ZFP37: variants seen among roughly 807,000 people sequenced by gnomAD.
ZFP37 encodes the protein ZFP37 zinc finger protein.
ZFP37 carries 38 observed loss-of-function variants against 52.1 expected under a neutral mutation model. The ratio of observed to expected loss-of-function variants is 0.73; its 90% CI spans 0.56 to 0.96. The LOEUF (loss-of-function observed/expected upper bound fraction) is 0.96. Ranked by LOEUF, ZFP37 falls within the 40% of genes least tolerant of loss-of-function variation. The pLI is 0.00. For missense variants in ZFP37, 695 were observed against 741.4 expected (o/e 0.94, Z 0.73); for synonymous variants, 253 against 259.5 (o/e 0.98, Z 0.24).
intron 1 of ZFP37, among the ~76,000 whole-genome samples, chr9:113,053,941 A>G (rs1002881276): frequency 5.9e-5 from 9 of 152,184 alleles, no homozygotes; most frequent in African/African-American, 1.7e-4. Flanking sequence ...AGTTGTCTTA[A>G]TATCATTCAT....
intron 3 of ZFP37, among the ~76,000 whole-genome samples, chr9:113,047,813 G>A (rs1828985411): frequency 6.6e-6 from 1 of 152,190 alleles, no homozygotes; most frequent in Admixed American, 6.5e-5. Context: ...CTAATTTAGA[G>A]AGAAAGACAA....
At chr9:113,054,110 C>A (rs1454397864) in intron 1 of ZFP37, among the ~76,000 whole-genome samples, 2 of 152,184 alleles carry the variant, frequency 1.3e-5, no homozygotes, top group Non-Finnish European at 2.9e-5. Flanking sequence ...ATCCCCTTAA[C>A]TCCAATAAAA....
intron 3 of ZFP37, 85 bp downstream of exon 3, chr9:113,049,277 T>G (rs1829013849): frequency 7.0e-7 from 1 of 1,432,920 alleles, no homozygotes; most frequent in Non-Finnish European, 9.5e-7. Context: ...ATTGCTATTT[T>G]CTAGTTAAGA....
chr9:113,050,965 C>T (rs1202641479), intron 1 of ZFP37, among the ~76,000 whole-genome samples: 2 of 151,444 alleles, frequency 1.3e-5, no homozygotes, highest in Middle Eastern at 3.2e-3. Flanking sequence ...GCAGAATGTA[C>T]ACTACCAATG....
In ZFP37 at chr9:113,047,766, C is replaced by A. The variant is rs533781460; in HGVS notation, c.349+1596G>T. On this transcript the variant is annotated intron_variant, in intron 3 of 3. Coordinates refer to ENST00000374227, the MANE Select transcript of ZFP37 (RefSeq NM_003408.3). ...ATGGGAGACAGTCCTATAATCAGAGCACACCCTGATAAAAACAGGGAAGAT... is the reference window on the plus strand; with the variant it reads ...ATGGGAGACAGTCCTATAATCAGAGAACACCCTGATAAAAACAGGGAAGAT... Among the ~76,000 whole-genome samples, 8 of 152,258 alleles carry A rather than the reference C, an allele frequency of 5.3e-5. No individual in the cohort carries two copies. The South Asian group carries it at 1.7e-3, about 32-fold the overall frequency.
At chr9:113,049,607 A>G (rs2118707345) in intron 2 of ZFP37, 111 bp from the exon 3 acceptor site, 3 of 1,466,932 alleles carry the variant, frequency 2.0e-6, no homozygotes, top group Non-Finnish European at 2.7e-6. Context: ...GAGTTTCACA[A>G]TATGAATGCC....
chr9:113,046,230 C>CTA (rs200966204), intron 3 of ZFP37, among the ~76,000 whole-genome samples: 2,901 of 125,602 alleles, frequency 0.023, 75 homozygotes, highest in African/African-American at 0.067. Context: ...AGACATATAT[C>CTA]TATATATATA....
rs760986355 is a variant in ZFP37 at position 113,056,552 on chromosome 9, C to A, written c.132+5G>T. 5 of 1,613,316 alleles carry A rather than the reference C, an allele frequency of 3.1e-6. No individual in the cohort carries two copies. The South Asian group carries it at 5.5e-5, about 18-fold the overall frequency. On this transcript the variant is annotated splice_donor_5th_base_variant and intron_variant, in intron 1 of 3. Transcript: ENST00000374227. ...CAAAACACCCTGTCTCATCACAGCT[C>A]TCACCGCGGCGCTGGCCTCGGGCTC...
intron 1 of ZFP37, among the ~76,000 whole-genome samples, chr9:113,050,407 T>A (rs146837274): frequency 0.011 from 1,685 of 150,452 alleles, 13 homozygotes; most frequent in Non-Finnish European, 0.017. Flanking sequence ...ATGTCCCTAT[T>A]GTGAATTTAT....
intron 3 of ZFP37, among the ~76,000 whole-genome samples, chr9:113,046,141 T>A (rs966999844): frequency 6.6e-6 from 1 of 150,380 alleles, no homozygotes; most frequent in Non-Finnish European, 1.5e-5. Context: ...TATATATCTG[T>A]CTATATATAT....
chr9:113,038,790 TAAAAC>T lies in ZFP37; in HGVS notation c.*3930_*3934del, dbSNP rs1399527390. 2.7e-5 allele frequency: 4 copies of T among 149,550 alleles called. No homozygotes were observed. Among genetic ancestry groups the T allele is most frequent in the Non-Finnish European group, 5.9e-5 (4 of 67,702 alleles). 9.3% of individuals were successfully genotyped at this position (149,550 alleles called of 1,614,324 possible). A position where few individuals can be genotyped will look rare whatever the true frequency, so the allele number is the denominator to read the frequency against. The stretch of plus-strand genomic sequence containing the variant: ...ACAGAGACTTTGTCTCAAAACAAAA[TAAAAC>T]AAAAAAAGAAAGATTCAATTTCCTC... On this transcript the variant is annotated 3_prime_UTR_variant, in exon 4 of 4. Coordinates refer to ENST00000374227, the MANE Select transcript of ZFP37 (RefSeq NM_003408.3).
intron 3 of ZFP37, 138 bp downstream of exon 3, chr9:113,049,224 G>A (rs1829012842): frequency 2.1e-6 from 2 of 951,012 alleles, no homozygotes; most frequent in Non-Finnish European, 3.1e-6. Context: ...CAGAATCTTT[G>A]TAGTTTGAAA....
rs1179468348 is a variant in ZFP37 at position 113,038,397 on chromosome 9, T to A, written c.*4328A>T. ...GCATATAGTTTTGTAAACTGTTTTTTATTTAGTATTTTAGATGCTACAGGT... is the reference window on the plus strand; with the variant it reads ...GCATATAGTTTTGTAAACTGTTTTTAATTTAGTATTTTAGATGCTACAGGT... On this transcript the variant is annotated 3_prime_UTR_variant, in exon 4 of 4. Transcript: ENST00000374227. 3.3e-5 allele frequency: 5 copies of A among 152,110 alleles called. No homozygotes were observed. The highest frequency in any genetic ancestry group is 7.4e-5 in the Non-Finnish European group (5 of 68,020). The allele number at this position is 152,110 out of a possible 1,614,324, so 9.4% of individuals were successfully genotyped here.
At position 113,040,843 on chromosome 9, in the gene ZFP37, A is replaced by G. The variant is rs1026763756; in HGVS notation, c.*1882T>C. ...AATATTTTATATTATGTAAATTAAT[A>G]TTGTATTAAAATAAAGGTATGATGT... On this transcript the variant is annotated 3_prime_UTR_variant, in exon 4 of 4. Transcript: ENST00000374227. 1 of 152,214 alleles carries G rather than the reference A, an allele frequency of 6.6e-6. No homozygotes were observed. The highest frequency in any genetic ancestry group is 2.4e-5 in the African/African-American group (1 of 41,460). 9.4% of individuals were successfully genotyped at this position (152,214 alleles called of 1,614,324 possible). A position where few individuals can be genotyped will look rare whatever the true frequency, so the allele number is the denominator to read the frequency against.
intron 1 of ZFP37, 33 bp downstream of exon 1, chr9:113,056,524 C>T (rs749705058): frequency 1.2e-6 from 2 of 1,608,276 alleles, no homozygotes; most frequent in East Asian, 2.2e-5. Flanking sequence ...CATCTCTGAC[C>T]GCCAAAACAC....
rs750970108 is a variant in ZFP37 at position 113,043,190 on chromosome 9, G to A, written c.1428C>T (p.Leu476=). The stretch of plus-strand genomic sequence containing the variant: ...TAGTATGAGTTCTTTGATGTATAAT[G>A]AGGTGTGACTTCTTGCTGAAAGCTT... The part of the protein sequence containing the change: ...CGKAFSKKSH[L]IIHQRTHTKE... Residue 476 remains leucine, a synonymous_variant, in exon 4 of 4, where the codon CTC becomes CTT. Transcript: ENST00000374227. The A allele has an allele frequency of 1.7e-5, 27 of 1,613,476 alleles. No homozygotes were observed. The highest frequency in any genetic ancestry group is 2.2e-5 in the Non-Finnish European group (26 of 1,179,892).
chr9:113,048,452 G>A (rs1828997420), intron 3 of ZFP37, among the ~76,000 whole-genome samples: 1 of 152,184 alleles, frequency 6.6e-6, no homozygotes, highest in Non-Finnish European at 1.5e-5. Context: ...TAGGAAAAGG[G>A]AGGATGCTTT....
intron 3 of ZFP37, 86 bp from the exon 4 acceptor site, chr9:113,044,354 A>T: frequency 5.4e-6 from 7 of 1,286,928 alleles, no homozygotes; most frequent in African/African-American, 1.5e-5. Flanking sequence ...GACCTGTTGT[A>T]GGGTTAAATT....
At position 113,042,649 on chromosome 9, in the gene ZFP37, AAC is replaced by A. The variant is rs1828866524; in HGVS notation, c.*74_*75del. On this transcript the variant is annotated 3_prime_UTR_variant, in exon 4 of 4. Transcript: ENST00000374227. ...TGTGACATCTTGCTAAAGGCTTTCTAACACTCTTTAAAATCAGCATATTTCCA... is the reference window on the plus strand; with the variant it reads ...TGTGACATCTTGCTAAAGGCTTTCTAACTCTTTAAAATCAGCATATTTCCA... The A allele has an allele frequency of 7.6e-7, 1 of 1,312,012 alleles. No individual in the cohort carries two copies. The highest frequency in any genetic ancestry group is 2.4e-5 in the East Asian group (1 of 40,952). 81.3% of individuals were successfully genotyped at this position (1,312,012 alleles called of 1,614,324 possible). A position where few individuals can be genotyped will look rare whatever the true frequency, so the allele number is the denominator to read the frequency against.
Sources: allele counts gnomAD v4.1 joint callset (sites outside exome capture counted in the v4.1 genomes callset), GRCh38; gene constraint gnomAD v4.1.1; transcripts MANE v1.5; gene names NCBI Gene and HGNC (gene_info 2026-07-23, HGNC 2026-07-21).